IAH1: variants seen among roughly 807,000 people sequenced by gnomAD.
The protein encoded by IAH1 is isoamyl acetate hydrolyzing esterase 1 (putative).
IAH1 carries 24 observed loss-of-function variants against 26.7 expected under a neutral mutation model. That is an observed-to-expected ratio of 0.90 (90% CI 0.65 to 1.26). IAH1 has a LOEUF of 1.26. Among genes scored for constraint, IAH1 ranks in the 50% most tolerant of loss-of-function variants. IAH1 has a pLI of 0.00. For missense variants in IAH1, 300 were observed against 299.9 expected, an observed-to-expected ratio of 1.00 and a Z score of 0.00; for synonymous variants, 140 against 118.5, an observed-to-expected ratio of 1.18 and a Z score of -1.18.
the IAH1 span, chr2:9,512,282 A>G: frequency 2.6e-5 from 4 of 152,190 alleles, no homozygotes; most frequent in Admixed American, 6.5e-5. Flanking sequence ...AAAAATTTCA[A>G]ATCAAATTTT....
chr2:9,481,957 C>A (rs1369677625), intron 4 of IAH1, among the ~76,000 whole-genome samples: 1 of 151,992 alleles, frequency 6.6e-6, no homozygotes, highest in African/African-American at 2.4e-5. Context: ...CATAAGTGGA[C>A]CTTCACGGTT....
chr2:9,475,069 C>T, intron 1 of IAH1: 3 of 1,197,222 alleles, frequency 2.5e-6, no homozygotes, highest in African/African-American at 3.2e-5. Context: ...GCGCCAGGAG[C>T]TCTCTCGCCC....
At chr2:9,503,316 C>T in the IAH1 span, among the ~76,000 whole-genome samples, 8 of 152,114 alleles carry the variant, frequency 5.3e-5, no homozygotes, top group Non-Finnish European at 1.2e-4. Context: ...AACCCTTTTA[C>T]TTCTAAGCCA....
chr2:9,499,588 G>C (rs1211912513), downstream of IAH1, among the ~76,000 whole-genome samples: 1 of 152,042 alleles, frequency 6.6e-6, no homozygotes, highest in Non-Finnish European at 1.5e-5. Context: ...TCTTTTAGTA[G>C]ACACAGGGTT....
the IAH1 span, among the ~76,000 whole-genome samples, chr2:9,505,846 T>A: frequency 6.6e-6 from 1 of 152,210 alleles, no homozygotes; most frequent in Non-Finnish European, 1.5e-5. Flanking sequence ...GCTACTTATA[T>A]GGATGATCCA....
At chr2:9,499,653 C>T (rs1031584214), downstream of IAH1, among the ~76,000 whole-genome samples, 8 of 152,220 alleles carry the variant, frequency 5.3e-5, no homozygotes, top group East Asian at 1.9e-4. Flanking sequence ...CTGCCCACCT[C>T]GGCCTCCCAA....
intron 5 of IAH1, chr2:9,485,235 C>T (rs957513860): frequency 6.6e-5 from 10 of 152,256 alleles, no homozygotes; most frequent in African/African-American, 2.4e-4. Context: ...TACTACTCGG[C>T]AATAAAGAGG....
downstream of IAH1, among the ~76,000 whole-genome samples, chr2:9,501,098 C>T (rs1662973298): frequency 6.6e-6 from 1 of 152,054 alleles, no homozygotes; most frequent in Non-Finnish European, 1.5e-5. Flanking sequence ...AAGAACTCCT[C>T]CAAATTCACA....
At chr2:9,487,788 TTGTGTGTGTGTGTGTGTGTGTGTGTG>T (rs70948823) in intron 5 of IAH1, among the ~76,000 whole-genome samples, 4 of 133,964 alleles carry the variant, frequency 3.0e-5, no homozygotes, top group East Asian at 2.3e-4. Flanking sequence ...CCCGGCCTTT[TTGTGTGTGTGTGTGTGTGTGTGTGTG>T]TGTGTGTGTG....
At position 9,484,560 on chromosome 2, in the gene IAH1, C is replaced by T. The variant is rs779306551; in HGVS notation, c.564+10C>T. ...GATGCAGGACAGCCAGGTACGGTGGCTTGCTCGGTCCTCTCGGGGTAAATA... is the reference window on the plus strand; with the variant it reads ...GATGCAGGACAGCCAGGTACGGTGGTTTGCTCGGTCCTCTCGGGGTAAATA... On this transcript the variant is annotated intron_variant, in intron 5 of 5. Transcript: ENST00000497473. The T allele has an allele frequency of 7.0e-6, 11 of 1,569,742 alleles. No individual in the cohort carries two copies. In the East Asian group the frequency reaches 2.0e-4, roughly 29 times the overall value.
chr2:9,504,428 A>G, the IAH1 span, among the ~76,000 whole-genome samples: 1 of 151,686 alleles, frequency 6.6e-6, no homozygotes, highest in Non-Finnish European at 1.5e-5. Flanking sequence ...CTGGCAACAG[A>G]GCGAGACGCC....
intron 2 of IAH1, 33 bp from the exon 3 acceptor site, chr2:9,478,189 C>A: frequency 6.3e-7 from 1 of 1,578,602 alleles, no homozygotes; most frequent in East Asian, 2.3e-5. Context: ...ACTTCTTGCC[C>A]ACAATTCATC....
intron 5 of IAH1, chr2:9,485,275 ACT>A (rs1661409635): frequency 6.6e-6 from 1 of 152,194 alleles, no homozygotes; most frequent in Non-Finnish European, 1.5e-5. Context: ...AACGTGGGTG[ACT>A]CTCGAGGCGC....
chr2:9,497,703 T>C (rs2124978298), downstream of IAH1, among the ~76,000 whole-genome samples: 1 of 152,298 alleles, frequency 6.6e-6, no homozygotes, highest in African/African-American at 2.4e-5. Context: ...ATACTATTCC[T>C]TCTACCTGGA....
At chr2:9,491,129 T>C (rs1662107386), downstream of IAH1, 2 of 1,613,184 alleles carry the variant, frequency 1.2e-6, no homozygotes, top group Admixed American at 3.3e-5. Context: ...CAGAGATTCA[T>C]ACTGTTTATC....
the IAH1 span, among the ~76,000 whole-genome samples, chr2:9,501,909 T>C: frequency 6.6e-6 from 1 of 151,974 alleles, no homozygotes; most frequent in Non-Finnish European, 1.5e-5. Flanking sequence ...TTCAAGGATA[T>C]ACACATATCC....
downstream of IAH1, chr2:9,490,112 T>C (rs547401766): frequency 4.4e-5 from 60 of 1,363,912 alleles, 1 homozygote; most frequent in South Asian, 5.0e-4. Context: ...CAAGCTGTGA[T>C]TGATTTGTAG....
the IAH1 span, among the ~76,000 whole-genome samples, chr2:9,507,562 C>A: frequency 1.3e-5 from 2 of 152,088 alleles, no homozygotes; most frequent in Non-Finnish European, 2.9e-5. Flanking sequence ...TATCTTCTTA[C>A]AAGGGGACTC....
intron 4 of IAH1, among the ~76,000 whole-genome samples, chr2:9,484,187 G>T (rs1394615752): frequency 1.3e-5 from 2 of 152,132 alleles, no homozygotes; most frequent in Non-Finnish European, 2.9e-5. Flanking sequence ...CCTCCCTGGC[G>T]CCTCAGAAGA....
Sources: gnomAD v4.1 joint callset for allele counts (sites outside exome capture counted in the v4.1 genomes callset) on GRCh38, gnomAD v4.1.1 for gene constraint, MANE v1.5 for transcripts, NCBI Gene and HGNC (gene_info 2026-07-23, HGNC 2026-07-21) for gene names.